PDE8A: variants seen among roughly 807,000 people sequenced by gnomAD.
PDE8A encodes the protein high affinity cAMP-specific and IBMX-insensitive 3',5'-cyclic phosphodiesterase 8A.
In PDE8A, 59 loss-of-function variants were observed where a neutral mutation model predicts 105.0. The ratio of observed to expected loss-of-function variants is 0.56; its 90% CI spans 0.46 to 0.70. PDE8A has a LOEUF of 0.70. PDE8A is among the 30% of genes least tolerant of loss of function. PDE8A has a pLI of 0.00. For synonymous variants in PDE8A, 355 were observed against 371.9 expected (o/e 0.95, Z 0.52); for missense variants, 1,014 against 1,045.9 (o/e 0.97, Z 0.42).
chr15:85,021,338 T>A (rs1035942066), intron 1 of PDE8A, among the ~76,000 whole-genome samples: 2 of 152,126 alleles, frequency 1.3e-5, no homozygotes, highest in Non-Finnish European at 2.9e-5. Flanking sequence ...AGCCAGGAGT[T>A]CAAGACCAGC....
chr15:85,115,805 C>T (rs2082087011), intron 15 of PDE8A, 179 bp from the exon 16 acceptor site: 1 of 587,874 alleles, frequency 1.7e-6, no homozygotes, highest in Non-Finnish European at 3.0e-6. Flanking sequence ...CCTGTAATCC[C>T]ACTACTCAGG....
intron 1 of PDE8A, among the ~76,000 whole-genome samples, chr15:85,020,694 G>A (rs765180162): frequency 2.0e-5 from 3 of 152,082 alleles, no homozygotes; most frequent in East Asian, 3.8e-4. Context: ...GAATTCCTGC[G>A]TAGTCTCTAC....
chr15:85,088,902 A>C (rs2081595697), intron 6 of PDE8A, among the ~76,000 whole-genome samples: 2 of 152,202 alleles, frequency 1.3e-5, no homozygotes, highest in South Asian at 4.1e-4. Flanking sequence ...TTGTGAAAAT[A>C]ATTTGTTTAA....
chr15:85,116,305 G>A (rs1411207277), intron 16 of PDE8A, 186 bp downstream of exon 16: 3 of 565,974 alleles, frequency 5.3e-6, no homozygotes, highest in Non-Finnish European at 9.4e-6. Flanking sequence ...GCTGGCCACA[G>A]TGATGGCACA....
intron 1 of PDE8A, among the ~76,000 whole-genome samples, chr15:85,021,021 TA>T (rs1307359384): frequency 6.6e-6 from 1 of 152,182 alleles, no homozygotes; most frequent in Non-Finnish European, 1.5e-5. Flanking sequence ...ACCTAATCAC[TA>T]ATGCAATGGT....
intron 1 of PDE8A, chr15:85,063,732 C>T (rs985733735): frequency 1.3e-5 from 2 of 152,330 alleles, no homozygotes; most frequent in African/African-American, 4.8e-5. Flanking sequence ...AACCAGAACA[C>T]ACTAAGTCTT....
intron 1 of PDE8A, among the ~76,000 whole-genome samples, chr15:85,045,129 G>C (rs1471347072): frequency 6.6e-6 from 1 of 152,154 alleles, no homozygotes. Context: ...CTGTCATTCA[G>C]ATCTCACCTC....
intron 8 of PDE8A, 31 bp downstream of exon 8, chr15:85,091,212 T>C: frequency 6.4e-7 from 1 of 1,563,922 alleles, no homozygotes. Context: ...TTTTTTAACT[T>C]TCACAACACA....
chr15:85,103,370 G>A (rs1196778457), intron 11 of PDE8A, among the ~76,000 whole-genome samples: 6 of 152,162 alleles, frequency 3.9e-5, no homozygotes, highest in African/African-American at 9.7e-5. Context: ...GCATTTGGTC[G>A]TTTTACTTGG....
rs745643353 is a variant in PDE8A at position 85,113,864 on chromosome 15, A to G, written c.1186-9A>G. 1.2e-6 allele frequency: 2 copies of G among 1,605,246 alleles called. No homozygotes were observed. The highest frequency in any genetic ancestry group is 1.7e-6 in the Non-Finnish European group (2 of 1,173,856). On this transcript the variant is annotated splice_polypyrimidine_tract_variant and intron_variant, in intron 13 of 21. Transcript: ENST00000394553. ...TATGAAACTCAAGTATTTTCTTTCC[A>G]TAATGTAGGTAATCAATATTATCAA...
chr15:85,126,037 T>C lies in PDE8A; in HGVS notation c.2086-170T>C, dbSNP rs376978714. 2.0e-4 allele frequency among the ~76,000 whole-genome samples: 31 copies of C among 152,212 alleles called. No individual in the cohort carries two copies. In the East Asian group the frequency reaches 3.7e-3, roughly 18 times the overall value. ...CACTGAGCCTCGGTTTTCTCCTGGG[T>C]AAAATGAGAGGCCAAGCTCAATGCT... On this transcript the variant is annotated intron_variant, in intron 19 of 21. Coordinates refer to ENST00000394553, the MANE Select transcript of PDE8A (RefSeq NM_002605.3).
At chr15:85,111,822 G>A (rs1169366352) in intron 12 of PDE8A, among the ~76,000 whole-genome samples, 1 of 152,118 alleles carries the variant, frequency 6.6e-6, no homozygotes, top group Non-Finnish European at 1.5e-5. Context: ...AACATGCTAT[G>A]TCTCCATTTA....
At chr15:85,067,921 C>G (rs1400020440) in intron 3 of PDE8A, among the ~76,000 whole-genome samples, 1 of 152,180 alleles carries the variant, frequency 6.6e-6, no homozygotes, top group African/African-American at 2.4e-5. Context: ...GTTTACCCTT[C>G]CATGACTTGC....
rs949912475 is a variant in PDE8A, at chr15:85,019,290, G to T, written c.186+36942G>T. Among the ~76,000 whole-genome samples the T allele has an allele frequency of 4.6e-5, 7 of 152,322 alleles. No individual in the cohort carries two copies. The South Asian group carries it at 6.2e-4, about 14-fold the overall frequency. On this transcript the variant is annotated intron_variant, in intron 1 of 21. Coordinates refer to ENST00000394553, the MANE Select transcript of PDE8A (RefSeq NM_002605.3). The stretch of plus-strand genomic sequence containing the variant: ...GAAAAATCTGCATACACACATAGAT[G>T]TATTTAGGGGTGAAAAATGTGAGGG...
chr15:85,077,891 A>G (rs1003202013), intron 5 of PDE8A, among the ~76,000 whole-genome samples: 1 of 152,096 alleles, frequency 6.6e-6, no homozygotes, highest in Non-Finnish European at 1.5e-5. Flanking sequence ...AGTAAGTCAC[A>G]TGTAGCACAG....
intron 1 of PDE8A, among the ~76,000 whole-genome samples, chr15:85,046,292 G>A (rs141808839): frequency 0.042 from 6,375 of 152,066 alleles, 441 homozygotes; most frequent in African/African-American, 0.14. Context: ...CAGGTGATCT[G>A]CCCGCCTCGG....
At chr15:85,126,047 G>A (rs2141635010) in intron 19 of PDE8A, among the ~76,000 whole-genome samples, 160 bp from the exon 20 acceptor site, 1 of 152,202 alleles carries the variant, frequency 6.6e-6, no homozygotes, top group East Asian at 1.9e-4. Context: ...TAAAATGAGA[G>A]GCCAAGCTCA....
At chr15:85,012,499 G>T (rs1433430114) in intron 1 of PDE8A, among the ~76,000 whole-genome samples, 1 of 141,814 alleles carries the variant, frequency 7.1e-6, no homozygotes, top group Non-Finnish European at 1.5e-5. Flanking sequence ...ATTGAACAAT[G>T]AGAACACATG....
Position 85,037,344 on chromosome 15 carries a change from C to T in PDE8A, c.187-27026C>T, listed in dbSNP as rs182953787. Among the ~76,000 whole-genome samples, 5 of 152,256 alleles carry T rather than the reference C, an allele frequency of 3.3e-5. No individual in the cohort carries two copies. The East Asian group carries it at 5.8e-4, about 18-fold the overall frequency. On this transcript the variant is annotated intron_variant, in intron 1 of 21. Coordinates refer to ENST00000394553, the MANE Select transcript of PDE8A (RefSeq NM_002605.3). ...CCTCCCGAAGTGCTGGGATTACAGG[C>T]GTGAGCCACAGCACCCAGCCTGATC...
Sources: allele counts gnomAD v4.1 joint callset (sites outside exome capture counted in the v4.1 genomes callset), GRCh38; gene constraint gnomAD v4.1.1; transcripts MANE v1.5; gene names NCBI Gene and HGNC (gene_info 2026-07-23, HGNC 2026-07-21).